The following PPP2R5E variants were observed in gnomAD, a reference collection of about 807,000 sequenced individuals.
PPP2R5E encodes serine/threonine-protein phosphatase 2A 56 kDa regulatory subunit epsilon isoform.
A neutral mutation model predicts 65.3 loss-of-function variants in PPP2R5E; 4 were observed. The ratio of observed to expected loss-of-function variants is 0.06; its 90% CI spans 0.03 to 0.14. The LOEUF is 0.14. PPP2R5E is among the 10% of genes least tolerant of loss of function. PPP2R5E has a pLI of 1.00. For synonymous variants in PPP2R5E, 183 were observed against 187.4 expected, an observed-to-expected ratio of 0.98 and a Z score of 0.19; for missense variants, 274 against 556.1, an observed-to-expected ratio of 0.49 and a Z score of 5.10.
intron 3 of PPP2R5E, among the ~76,000 whole-genome samples, chr14:63,438,035 C>T (rs912656305): frequency 1.3e-5 from 2 of 152,130 alleles, no homozygotes; most frequent in African/African-American, 2.4e-5. Context: ...CAACTTGCTC[C>T]TGAGAAGTCA....
chr14:63,522,684 T>G (rs1376928405), intron 2 of PPP2R5E, among the ~76,000 whole-genome samples: 5 of 144,044 alleles, frequency 3.5e-5, no homozygotes, highest in African/African-American at 1.3e-4. Context: ...CGACCCCGTC[T>G]GGGAGGAGAG....
At chr14:63,423,429 T>C (rs1887149880) in intron 3 of PPP2R5E, among the ~76,000 whole-genome samples, 1 of 152,120 alleles carries the variant, frequency 6.6e-6, no homozygotes, top group African/African-American at 2.4e-5. Flanking sequence ...AATGTTTATG[T>C]TTTAAATGTT....
intron 2 of PPP2R5E, among the ~76,000 whole-genome samples, chr14:63,472,888 A>G (rs983419374): frequency 6.6e-6 from 1 of 152,234 alleles, no homozygotes; most frequent in African/African-American, 2.4e-5. Context: ...AATGTGGGAC[A>G]GGAGCAAACA....
chr14:63,484,898 C>A (rs1354904849), intron 2 of PPP2R5E, among the ~76,000 whole-genome samples: 1 of 152,104 alleles, frequency 6.6e-6, no homozygotes, highest in Non-Finnish European at 1.5e-5. Flanking sequence ...CCACAAAAAA[C>A]AAGTTTGCTC....
At chr14:63,415,565 T>G (rs1189202738) in intron 4 of PPP2R5E, among the ~76,000 whole-genome samples, 1 of 152,242 alleles carries the variant, frequency 6.6e-6, no homozygotes, top group Non-Finnish European at 1.5e-5. Context: ...TTTTGCAAAC[T>G]ACTTGTACCA....
intron 5 of PPP2R5E, among the ~76,000 whole-genome samples, chr14:63,413,534 T>A (rs1045213678): frequency 6.6e-6 from 1 of 152,142 alleles, no homozygotes; most frequent in African/African-American, 2.4e-5. Flanking sequence ...AGTTTATGCA[T>A]CTATAAAATG....
chr14:63,522,948 G>A (rs1893007052), intron 2 of PPP2R5E, among the ~76,000 whole-genome samples: 1 of 147,070 alleles, frequency 6.8e-6, no homozygotes, highest in South Asian at 2.3e-4. Context: ...GCCCCGTCCG[G>A]GAGGGAGGTG....
chr14:63,419,138 C>T (rs140453791), intron 4 of PPP2R5E, among the ~76,000 whole-genome samples: 169 of 152,290 alleles, frequency 1.1e-3, no homozygotes, highest in East Asian at 0.01. Context: ...TGGGCCACTA[C>T]GTCCGGCCAA....
intron 2 of PPP2R5E, among the ~76,000 whole-genome samples, chr14:63,488,956 C>T (rs549739438): frequency 6.6e-6 from 1 of 151,852 alleles, no homozygotes; most frequent in South Asian, 2.1e-4. Context: ...AACTACATGA[C>T]CAAAAAGACC....
intron 5 of PPP2R5E, among the ~76,000 whole-genome samples, chr14:63,400,546 A>G (rs1885687133): frequency 6.6e-6 from 1 of 152,188 alleles, no homozygotes; most frequent in Non-Finnish European, 1.5e-5. Context: ...ATACGTACTG[A>G]GTTCTTTCTA....
chr14:63,492,686 G>A (rs1015972126), intron 2 of PPP2R5E, among the ~76,000 whole-genome samples: 1 of 152,172 alleles, frequency 6.6e-6, no homozygotes, highest in Non-Finnish European at 1.5e-5. Flanking sequence ...AATAAGAAGA[G>A]TTATCATAGG....
At chr14:63,400,005 G>T (rs972206171) in intron 5 of PPP2R5E, among the ~76,000 whole-genome samples, 2 of 152,196 alleles carry the variant, frequency 1.3e-5, no homozygotes, top group East Asian at 3.9e-4. Context: ...CCAAAAAAAG[G>T]CCCCTCAAAC....
intron 11 of PPP2R5E, among the ~76,000 whole-genome samples, chr14:63,385,635 G>A (rs1343668376): frequency 3.9e-5 from 6 of 152,172 alleles, no homozygotes; most frequent in Admixed American, 3.9e-4. Flanking sequence ...GGCAGGCACT[G>A]TGCCTACACA....
intron 13 of PPP2R5E, among the ~76,000 whole-genome samples, chr14:63,379,429 G>A (rs1356055279): frequency 6.6e-6 from 1 of 152,044 alleles, no homozygotes; most frequent in Non-Finnish European, 1.5e-5. Context: ...GTGCCTCCAC[G>A]CCCGGCTAAT....
At chr14:63,522,216 G>A (rs1206376668) in intron 2 of PPP2R5E, among the ~76,000 whole-genome samples, 1 of 152,196 alleles carries the variant, frequency 6.6e-6, no homozygotes, top group African/African-American at 2.4e-5. Context: ...GAGGTGCCGG[G>A]ATTGCAGACG....
intron 3 of PPP2R5E, among the ~76,000 whole-genome samples, chr14:63,433,376 C>T (rs1420364556): frequency 6.6e-6 from 1 of 152,032 alleles, no homozygotes; most frequent in Non-Finnish European, 1.5e-5. Context: ...AACATGGCAC[C>T]AGTTGACTAG....
intron 2 of PPP2R5E, among the ~76,000 whole-genome samples, chr14:63,507,339 A>G (rs1892233441): frequency 6.6e-6 from 1 of 152,164 alleles, no homozygotes; most frequent in Admixed American, 6.5e-5. Context: ...CTGGCATCCA[A>G]CTACCATAAC....
intron 12 of PPP2R5E, among the ~76,000 whole-genome samples, chr14:63,382,890 G>C (rs1052188939): frequency 2.6e-5 from 4 of 151,970 alleles, no homozygotes; most frequent in African/African-American, 9.7e-5. Context: ...ATCAAAATCA[G>C]AAGCTACTTC....
intron 2 of PPP2R5E, among the ~76,000 whole-genome samples, chr14:63,483,969 G>A (rs1890842977): frequency 6.6e-6 from 1 of 151,918 alleles, no homozygotes; most frequent in African/African-American, 2.4e-5. Context: ...TATAGTCCCA[G>A]CTACTCAGGG....
Sources: gnomAD v4.1 joint callset for allele counts (sites outside exome capture counted in the v4.1 genomes callset) on GRCh38, gnomAD v4.1.1 for gene constraint, MANE v1.5 for transcripts, NCBI Gene and HGNC (gene_info 2026-07-23, HGNC 2026-07-21) for gene names.